The following MTMR7 variants were observed in gnomAD, a reference collection of about 807,000 sequenced individuals.
MTMR7 encodes phosphatidylinositol-3-phosphate phosphatase MTMR7.
In MTMR7, 76 loss-of-function variants were observed where a neutral mutation model predicts 81.2. The ratio of observed to expected loss-of-function variants is 0.94; its 90% CI spans 0.78 to 1.13. The LOEUF is 1.13. Ranked by LOEUF, MTMR7 falls within the 50% of genes most tolerant of loss-of-function variation. The pLI, the probability that MTMR7 is intolerant of heterozygous loss-of-function variation, is 0.00. For synonymous variants in MTMR7, 372 were observed against 289.8 expected (o/e 1.28, Z -2.88); for missense variants, 1,044 against 820.0 (o/e 1.27, Z -3.34).
intron 3 of MTMR7, among the ~76,000 whole-genome samples, chr8:17,369,555 G>C (rs530252361): frequency 6.6e-6 from 1 of 150,836 alleles, no homozygotes; most frequent in Admixed American, 6.6e-5. Context: ...AACTACTTCT[G>C]TGTAGCACAA....
At chr8:17,326,967 C>T (rs573270965) in intron 7 of MTMR7, among the ~76,000 whole-genome samples, 2 of 152,204 alleles carry the variant, frequency 1.3e-5, no homozygotes, top group Non-Finnish European at 2.9e-5. Flanking sequence ...TCAGTCTTAT[C>T]TTTCCTTGGT....
chr8:17,304,640 T>G, intron 11 of MTMR7, 121 bp from the exon 12 acceptor site: 1 of 984,838 alleles, frequency 1.0e-6, no homozygotes, highest in East Asian at 2.6e-5. Flanking sequence ...GTCTGTTCGA[T>G]AGCAGGTAAA....
intron 1 of MTMR7, among the ~76,000 whole-genome samples, chr8:17,392,716 T>C (rs1411382474): frequency 1.3e-5 from 2 of 152,098 alleles, no homozygotes; most frequent in African/African-American, 4.8e-5. Flanking sequence ...TGAACTAGAG[T>C]TGGGTTACAG....
rs900025583 is a variant in MTMR7 at position 17,341,615 on chromosome 8, T to C, written c.598-118A>G. The stretch of plus-strand genomic sequence containing the variant: ...CTCACTGATAGTCCACCTCGGCTTA[T>C]GAAAACGTGATACAGCTTTCTGGAA... On this transcript the variant is annotated intron_variant, in intron 5 of 13. Coordinates refer to ENST00000180173, the MANE Select transcript of MTMR7 (RefSeq NM_004686.5). 6 of 1,245,538 alleles carry C rather than the reference T, an allele frequency of 4.8e-6. No individual in the cohort carries two copies. In the Admixed American group the frequency reaches 1.3e-4, roughly 26 times the overall value. 77.2% of individuals were successfully genotyped at this position (1,245,538 alleles called of 1,614,324 possible). A position where few individuals can be genotyped will look rare whatever the true frequency, so the allele number is the denominator to read the frequency against.
At chr8:17,366,580 G>C (rs1358606686) in intron 3 of MTMR7, among the ~76,000 whole-genome samples, 1 of 151,944 alleles carries the variant, frequency 6.6e-6, no homozygotes. Context: ...GCTGAATTCA[G>C]GCAACTTAAA....
intron 3 of MTMR7, among the ~76,000 whole-genome samples, chr8:17,370,297 G>C (rs1820377782): frequency 6.6e-6 from 1 of 151,918 alleles, no homozygotes; most frequent in African/African-American, 2.4e-5. Flanking sequence ...GAGGCAGGTA[G>C]ATTACTTGAG....
At chr8:17,386,524 G>A (rs766316357) in intron 1 of MTMR7, among the ~76,000 whole-genome samples, 2 of 152,174 alleles carry the variant, frequency 1.3e-5, no homozygotes, top group Admixed American at 6.5e-5. Context: ...TGGATCATAC[G>A]TCTACAAAGG....
At chr8:17,361,030 A>G in intron 4 of MTMR7, 87 bp downstream of exon 4, 1 of 1,438,894 alleles carries the variant, frequency 6.9e-7, no homozygotes, top group Non-Finnish European at 9.6e-7. Flanking sequence ...GAGCTATAAA[A>G]CCTGAAGGAG....
At chr8:17,399,959 G>GT (rs1821375026) in intron 1 of MTMR7, among the ~76,000 whole-genome samples, 2 of 151,182 alleles carry the variant, frequency 1.3e-5, no homozygotes, top group Admixed American at 6.6e-5. Context: ...AATTTCTCAG[G>GT]TATCTTTTCT....
Position 17,367,864 on chromosome 8 carries a change from TG to T in MTMR7, c.310+3172del, listed in dbSNP as rs371549100. On this transcript the variant is annotated intron_variant, in intron 3 of 13. Transcript: ENST00000180173. ...TTCGCATTCTGCTGATGCTAAGGTTTGGGGTTTTTTTTTTTTTTTTCTATTT... is the reference window on the plus strand; with the variant it reads ...TTCGCATTCTGCTGATGCTAAGGTTTGGGTTTTTTTTTTTTTTTTCTATTT... Among the ~76,000 whole-genome samples the T allele has an allele frequency of 6.8e-3, 1,009 of 149,160 alleles. 9 individuals carry two copies. Among genetic ancestry groups the T allele is most frequent in the South Asian group, 0.022 (104 of 4,740 alleles).
chr8:17,330,777 A>T (rs1818959988), intron 7 of MTMR7, among the ~76,000 whole-genome samples: 1 of 152,136 alleles, frequency 6.6e-6, no homozygotes, highest in Admixed American at 6.5e-5. Flanking sequence ...TCAGTTTTTG[A>T]GCCTGATCTC....
At chr8:17,308,432 T>G (rs1362539618) in intron 10 of MTMR7, among the ~76,000 whole-genome samples, 1 of 152,076 alleles carries the variant, frequency 6.6e-6, no homozygotes, top group African/African-American at 2.4e-5. Flanking sequence ...AAAATAGAAT[T>G]CCTGAAAATC....
intron 1 of MTMR7, among the ~76,000 whole-genome samples, chr8:17,393,507 C>T (rs1444476075): frequency 6.6e-6 from 1 of 152,138 alleles, no homozygotes; most frequent in Non-Finnish European, 1.5e-5. Context: ...CCATAAAGAA[C>T]ATTTACAGCT....
intron 6 of MTMR7, among the ~76,000 whole-genome samples, chr8:17,338,187 G>A (rs1195984434): frequency 2.6e-5 from 4 of 152,220 alleles, no homozygotes; most frequent in African/African-American, 9.6e-5. Flanking sequence ...TGGCTTGTAC[G>A]AAACCCCAGT....
chr8:17,336,322 G>GCTCC (rs1819235879), intron 6 of MTMR7, among the ~76,000 whole-genome samples: 1 of 152,008 alleles, frequency 6.6e-6, no homozygotes, highest in African/African-American at 2.4e-5. Flanking sequence ...CCTTCCTCAG[G>GCTCC]CTCCACTGGA....
Position 17,331,205 on chromosome 8 carries a change from A to C in MTMR7, c.810T>G (p.Phe270Leu). Residue 270 changes from phenylalanine (F) to leucine (L), a missense_variant, in exon 7 of 14, where the codon TTT becomes TTG. Phe to Leu is a conservative substitution (Grantham distance 22). Transcript: ENST00000180173. Reference protein sequence around the residue: ...EDNYSNIKFQFIGIENIHVMR... With the variant: ...EDNYSNIKFQLIGIENIHVMR... Reference sequence around the variant, plus strand: ...TGACATGGATGTTCTCTATCCCGATAAACTGAAACTTGATATTGGAATAAT... The same window carrying C: ...TGACATGGATGTTCTCTATCCCGATCAACTGAAACTTGATATTGGAATAAT... The C allele has an allele frequency of 6.2e-7, 1 of 1,612,742 alleles. No homozygotes were observed. The highest frequency in any genetic ancestry group is 1.3e-5 in the African/African-American group (1 of 74,990).
intron 7 of MTMR7, among the ~76,000 whole-genome samples, chr8:17,317,889 T>C (rs571082090): frequency 2.0e-5 from 3 of 152,300 alleles, no homozygotes; most frequent in Admixed American, 1.3e-4. Flanking sequence ...TCTTTCAATC[T>C]CCCGTCCTTC....
chr8:17,378,501 T>C (rs1820659149), intron 1 of MTMR7, among the ~76,000 whole-genome samples: 1 of 152,182 alleles, frequency 6.6e-6, no homozygotes, highest in African/African-American at 2.4e-5. Context: ...TCTATACATA[T>C]ATGCTGTACA....
In MTMR7 at chr8:17,297,612, A is replaced by C. The variant is rs1816785280; in HGVS notation, c.*2250T>G. The stretch of plus-strand genomic sequence containing the variant: ...ATTACTTGCATTCTATATATTACTA[A>C]TTGGGAAGTAATATGCCTCAAATCA... On this transcript the variant is annotated 3_prime_UTR_variant, in exon 14 of 14. Coordinates refer to ENST00000180173, the MANE Select transcript of MTMR7 (RefSeq NM_004686.5). 1 of 152,136 alleles carries C rather than the reference A, an allele frequency of 6.6e-6. No homozygotes were observed. The highest frequency in any genetic ancestry group is 2.4e-5 in the African/African-American group (1 of 41,562). The allele number at this position is 152,136 out of a possible 1,614,324, so 9.4% of individuals were successfully genotyped here. A position where few individuals can be genotyped will look rare whatever the true frequency, so the allele number is the denominator to read the frequency against.
Sources: gnomAD v4.1 joint callset for allele counts (sites outside exome capture counted in the v4.1 genomes callset) on GRCh38, gnomAD v4.1.1 for gene constraint, MANE v1.5 for transcripts, NCBI Gene and HGNC (gene_info 2026-07-23, HGNC 2026-07-21) for gene names.